The following GZMA variants were observed in gnomAD, a reference collection of about 807,000 sequenced individuals.
The protein encoded by GZMA is CTL tryptase.
Under a neutral mutation model 21.1 loss-of-function variants are expected in GZMA, and 17 were observed. That is an observed-to-expected ratio of 0.81 (90% CI 0.55 to 1.21). The LOEUF (loss-of-function observed/expected upper bound fraction) is 1.21, where lower values mean the gene tolerates loss of function less well. Ranked by LOEUF, GZMA falls within the 50% of genes most tolerant of loss-of-function variation. GZMA has a pLI of 0.00. For missense variants in GZMA, 306 were observed against 315.9 expected (o/e 0.97, Z 0.24); for synonymous variants, 90 against 107.8 (o/e 0.83, Z 1.03).
rs1475661440 is a variant in GZMA, at chr5:55,110,052, G to T, written c.659G>T (p.Gly220Val). The change falls in exon 5 of 5, where the codon GGT becomes GTT. Residue 220 changes from glycine (G) to valine (V), a missense_variant. Transcript: ENST00000274306. ...GDSGSPLLCE[G>V]VFRGVTSFGL... ...TCTGGAAGCCCTTTGTTGTGCGAGG[G>T]TGTTTTCCGAGGGGTCACTTCCTTT... 2 of 1,612,028 alleles carry T rather than the reference G, an allele frequency of 1.2e-6. No individual in the cohort carries two copies. Among genetic ancestry groups the T allele is most frequent in the East Asian group, 2.2e-5 (1 of 44,734 alleles).
Position 55,108,138 on chromosome 5 carries a change from CA to C in GZMA, c.376del (p.Ile126LeufsTer5). On this transcript the variant is annotated frameshift_variant, in exon 4 of 5. Coordinates refer to ENST00000274306, the MANE Select transcript of GZMA (RefSeq NM_006144.4). LOFTEE classifies it high-confidence loss of function. ...DLKLLQLMEKAKINKYVTILH... is the reference protein window; with the variant it reads ...DLKLLQLMEKXKINKYVTILH... Reference sequence around the variant, plus strand: ...TTCTTCCAACAGCTGATGGAAAAAGCAAAAATTAACAAATATGTGACTATCC... The same window carrying C: ...TTCTTCCAACAGCTGATGGAAAAAGCAAAATTAACAAATATGTGACTATCC... The C allele has an allele frequency of 6.2e-7, 1 of 1,602,248 alleles. No individual in the cohort carries two copies. Among genetic ancestry groups the C allele is most frequent in the Non-Finnish European group, 8.5e-7 (1 of 1,169,662 alleles).
chr5:55,108,432 TA>T lies in GZMA; in HGVS notation c.627+40del, dbSNP rs756169021. 2.6e-6 allele frequency: 4 copies of T among 1,545,298 alleles called. No individual in the cohort carries two copies. In the African/African-American group the frequency reaches 5.4e-5, roughly 21 times the overall value. ...AGATCCCACGTTTCAGCTATTGAAT[TA>T]AGTCATGCAGACAGAGAAAATGTAA... On this transcript the variant is annotated intron_variant, in intron 4 of 4. Coordinates refer to ENST00000274306, the MANE Select transcript of GZMA (RefSeq NM_006144.4).
chr5:55,104,277 G>A (rs1429544394), intron 1 of GZMA, among the ~76,000 whole-genome samples: 1 of 152,192 alleles, frequency 6.6e-6, no homozygotes, highest in Admixed American at 6.5e-5. Flanking sequence ...AGACAGCAAA[G>A]CAAGGCACAG....
At chr5:55,106,011 TAAATAAAATA>T (rs1399063983) in intron 2 of GZMA, among the ~76,000 whole-genome samples, 30 of 490 alleles carry the variant, frequency 0.061, 10 homozygotes, top group African/African-American at 0.095. Context: ...TAAAATAAAA[TAAATAAAATA>T]AAATAAAATA....
intron 1 of GZMA, among the ~76,000 whole-genome samples, chr5:55,104,120 G>C (rs1742347230): frequency 6.6e-6 from 1 of 152,152 alleles, no homozygotes; most frequent in Non-Finnish European, 1.5e-5. Context: ...ACTATATTCA[G>C]GCATGTTAAA....
At chr5:55,106,262 T>A (rs866932670) in intron 2 of GZMA, among the ~76,000 whole-genome samples, 134 of 506 alleles carry the variant, frequency 0.26, 60 homozygotes, top group Non-Finnish European at 0.5. Flanking sequence ...TAAAATAAAA[T>A]AAATAAAATA....
intron 2 of GZMA, among the ~76,000 whole-genome samples, chr5:55,106,247 TAAAATAAAATAAAATAA>T (rs1561279987): frequency 5.2e-4 from 1 of 1,920 alleles, no homozygotes; most frequent in Admixed American, 0.01. Context: ...TAAAATAAAA[TAAAATAAAATAAAATAA>T]ATAAAATAAA....
chr5:55,109,997 C>T, intron 4 of GZMA, 24 bp from the exon 5 acceptor site: 1 of 1,567,184 alleles, frequency 6.4e-7, no homozygotes, highest in East Asian at 2.3e-5. Context: ...GACCCCACAC[C>T]CTACCCCTCT....
chr5:55,105,077 A>T (rs553767535), intron 1 of GZMA, among the ~76,000 whole-genome samples: 1 of 152,206 alleles, frequency 6.6e-6, no homozygotes, highest in African/African-American at 2.4e-5. Context: ...TAAAAGTCTT[A>T]TCTATTTCCC....
intron 1 of GZMA, among the ~76,000 whole-genome samples, chr5:55,104,557 TC>T (rs1257955562): frequency 9.2e-5 from 14 of 152,230 alleles, no homozygotes; most frequent in African/African-American, 3.4e-4. Context: ...AATGACTTAG[TC>T]CTAATTATGG....
chr5:55,108,914 A>AG lies in GZMA; in HGVS notation c.627+521dup, dbSNP rs572938069. Among the ~76,000 whole-genome samples, 1,299 of 152,332 alleles carry AG rather than the reference A, an allele frequency of 8.5e-3. 6 individuals carry two copies. Among genetic ancestry groups the AG allele is most frequent in the Non-Finnish European group, 0.013 (882 of 68,020 alleles). ...TAGTTTAATCTGCAGCAAACTTCAA[A>AG]GCATGACTCATACCAGAAAATGTGT... is the stretch of plus-strand genomic sequence containing the variant. On this transcript the variant is annotated intron_variant, in intron 4 of 4. Coordinates refer to ENST00000274306, the MANE Select transcript of GZMA (RefSeq NM_006144.4).
intron 4 of GZMA, among the ~76,000 whole-genome samples, chr5:55,109,643 C>G (rs3104232): frequency 0.97 from 148,296 of 152,344 alleles, 72,208 homozygotes; most frequent in East Asian, 1. Context: ...AGAAGAACCA[C>G]AAAACATAGT....
intron 1 of GZMA, 34 bp from the exon 2 acceptor site, chr5:55,105,440 G>T: frequency 6.3e-7 from 1 of 1,579,706 alleles, no homozygotes. Context: ...TTGGGGGTGA[G>T]CACCAATCTG....
In GZMA at chr5:55,105,610, C is replaced by T; in HGVS notation, c.207C>T (p.His69=). Residue 69 remains histidine (H), a synonymous_variant, in exon 2 of 5, where the codon CAC becomes CAT. Coordinates refer to ENST00000274306, the MANE Select transcript of GZMA (RefSeq NM_006144.4). ...IAKDWVLTAA[H]CNLNKRSQVI... ...AAGACTGGGTGTTGACTGCAGCTCA[C>T]TGTAACTTGTAAGTGCCTGGGTTTT... is the stretch of plus-strand genomic sequence containing the variant. 1 of 1,613,196 alleles carries T rather than the reference C, an allele frequency of 6.2e-7. No homozygotes were observed. The highest frequency in any genetic ancestry group is 8.5e-7 in the Non-Finnish European group (1 of 1,179,478).
intron 2 of GZMA, among the ~76,000 whole-genome samples, chr5:55,107,469 C>A (rs1580329189): frequency 1.3e-5 from 2 of 152,308 alleles, no homozygotes; most frequent in South Asian, 4.1e-4. Context: ...ATAAGTAATT[C>A]TCCATCACAG....
rs148415862 is a variant in GZMA, at chr5:55,103,193, C to A, written c.70+441C>A. On this transcript the variant is annotated intron_variant, in intron 1 of 4. Coordinates refer to ENST00000274306, the MANE Select transcript of GZMA (RefSeq NM_006144.4). ...TAACAAAACTCTCTTGTTCGTAAAA[C>A]AAATAGTACCTTCCAGGAAAGGAAT... Among the ~76,000 whole-genome samples the A allele has an allele frequency of 9.2e-3, 1,401 of 152,172 alleles. 16 individuals are homozygous for A. Among genetic ancestry groups the A allele is most frequent in the Middle Eastern group, 0.027 (8 of 294 alleles).
rs371339546 is a variant in GZMA at position 55,110,095 on chromosome 5, C to T, written c.702C>T (p.Cys234=). 2.9e-5 allele frequency: 47 copies of T among 1,611,624 alleles called. No homozygotes were observed. The East Asian group carries it at 7.8e-4, about 27-fold the overall frequency. Residue 234 remains cysteine, a synonymous_variant, in exon 5 of 5, where the codon TGC becomes TGT. Transcript: ENST00000274306. ...GVTSFGLENK[C]GDPRGPGVYI... ...CTTCCTTTGGCCTTGAAAATAAATGCGGAGACCCTCGTGGGCCTGGTGTCT... is the reference window on the plus strand; with the variant it reads ...CTTCCTTTGGCCTTGAAAATAAATGTGGAGACCCTCGTGGGCCTGGTGTCT...
intron 3 of GZMA, 94 bp from the exon 4 acceptor site, chr5:55,108,031 C>T: frequency 1.4e-6 from 2 of 1,411,862 alleles, no homozygotes; most frequent in Admixed American, 1.9e-5. Flanking sequence ...GTTGTAAAAA[C>T]TCACAATAAA....
intron 1 of GZMA, among the ~76,000 whole-genome samples, chr5:55,103,636 C>T (rs2111748932): frequency 6.6e-6 from 1 of 152,268 alleles, no homozygotes; most frequent in South Asian, 2.1e-4. Flanking sequence ...CACGGTTTTT[C>T]CCAGGATTCA....
Sources: allele counts gnomAD v4.1 joint callset (sites outside exome capture counted in the v4.1 genomes callset), GRCh38; gene constraint gnomAD v4.1.1; transcripts MANE v1.5; gene names NCBI Gene and HGNC (gene_info 2026-07-23, HGNC 2026-07-21).